NEGR1: variants seen among roughly 807,000 people sequenced by gnomAD.
The protein encoded by NEGR1 is neuronal growth regulator 1.
A neutral mutation model predicts 40.9 loss-of-function variants in NEGR1; 10 were observed. The observed-to-expected ratio is 0.24, with a 90% CI of 0.15 to 0.42. The LOEUF is 0.42. Among genes scored for constraint, NEGR1 ranks in the 10% least tolerant of loss-of-function variants. NEGR1 has a pLI of 1.00. For synonymous variants in NEGR1, 185 were observed against 166.8 expected (o/e 1.11, Z -0.84); for missense variants, 352 against 438.9 (o/e 0.80, Z 1.77).
chr1:71,611,865 G>T (rs1570104282), intron 4 of NEGR1, among the ~76,000 whole-genome samples: 2 of 151,992 alleles, frequency 1.3e-5, no homozygotes, highest in African/African-American at 4.8e-5. Flanking sequence ...GCTGGAAAAA[G>T]TTTCCCCGCC....
At chr1:71,501,901 A>G (rs1647001732) in intron 6 of NEGR1, among the ~76,000 whole-genome samples, 1 of 152,242 alleles carries the variant, frequency 6.6e-6, no homozygotes, top group Admixed American at 6.5e-5. Flanking sequence ...TTAAACATTG[A>G]TAAACATCTT....
chr1:71,723,992 A>G (rs1654593200), intron 3 of NEGR1, among the ~76,000 whole-genome samples: 1 of 152,126 alleles, frequency 6.6e-6, no homozygotes, highest in Non-Finnish European at 1.5e-5. Flanking sequence ...GGAAAAAAAA[A>G]GTCCTCTCAC....
At chr1:72,210,655 C>T (rs1048790243) in intron 1 of NEGR1, among the ~76,000 whole-genome samples, 2 of 151,728 alleles carry the variant, frequency 1.3e-5, no homozygotes, top group Non-Finnish European at 2.9e-5. Flanking sequence ...TTCTAGTTCT[C>T]ATAGTATTTT....
intron 2 of NEGR1, among the ~76,000 whole-genome samples, chr1:71,849,981 T>C (rs1252664687): frequency 6.6e-6 from 1 of 152,166 alleles, no homozygotes; most frequent in Non-Finnish European, 1.5e-5. Context: ...ATATTTACTT[T>C]ATTACAGTGG....
intron 3 of NEGR1, among the ~76,000 whole-genome samples, chr1:71,752,560 C>T (rs933661502): frequency 2.0e-5 from 3 of 152,052 alleles, no homozygotes; most frequent in African/African-American, 7.2e-5. Flanking sequence ...GCTATGTTTT[C>T]CTCTTTTGCA....
At position 71,821,290 on chromosome 1, in the gene NEGR1, G is replaced by C. The variant is rs150540452; in HGVS notation, c.410-44993C>G. ...ATGAGCAAGAGGTAGCTAACATTCTGAAGGCCTTGGAAGAACACATGCATT... is the reference window on the plus strand; with the variant it reads ...ATGAGCAAGAGGTAGCTAACATTCTCAAGGCCTTGGAAGAACACATGCATT... On this transcript the variant is annotated intron_variant, in intron 2 of 6. Transcript: ENST00000357731. Among the ~76,000 whole-genome samples the C allele has an allele frequency of 3.8e-3, 581 of 152,040 alleles. 2 individuals carry two copies. Among genetic ancestry groups the C allele is most frequent in the African/African-American group, 0.013 (529 of 41,524 alleles).
intron 4 of NEGR1, among the ~76,000 whole-genome samples, chr1:71,664,073 A>G (rs1652158495): frequency 6.6e-6 from 1 of 152,216 alleles, no homozygotes. Context: ...TTCTCTCTCA[A>G]GTATAGCTGA....
intron 3 of NEGR1, among the ~76,000 whole-genome samples, chr1:71,709,223 G>T (rs1654000931): frequency 6.6e-6 from 1 of 152,138 alleles, no homozygotes; most frequent in Non-Finnish European, 1.5e-5. Context: ...GAGAACAAGA[G>T]CCTCTTTCTG....
intron 3 of NEGR1, among the ~76,000 whole-genome samples, chr1:71,736,340 T>A (rs999145766): frequency 3.3e-5 from 5 of 152,196 alleles, no homozygotes; most frequent in African/African-American, 1.2e-4. Flanking sequence ...TCACAAGAAC[T>A]ATTTTTTTCC....
intron 3 of NEGR1, among the ~76,000 whole-genome samples, chr1:71,734,740 G>A (rs1654993504): frequency 6.6e-6 from 1 of 151,914 alleles, no homozygotes; most frequent in Non-Finnish European, 1.5e-5. Context: ...TACCACTAGT[G>A]TACCACTGAA....
In NEGR1 at chr1:71,921,280, A is replaced by G. The variant is rs539534515; in HGVS notation, c.409+13799T>C. ...AAACACTTGCCTTTTGCGAATATTT[A>G]CAACTCAAAACCACTGGAAATTTTA... On this transcript the variant is annotated intron_variant, in intron 2 of 6. Coordinates refer to ENST00000357731, the MANE Select transcript of NEGR1 (RefSeq NM_173808.3). Among the ~76,000 whole-genome samples, 8 of 152,324 alleles carry G rather than the reference A, an allele frequency of 5.3e-5. 1 individual carries two copies. In the South Asian group the frequency reaches 1.4e-3, roughly 28 times the overall value.
chr1:71,834,290 T>C (rs1189445620), intron 2 of NEGR1, among the ~76,000 whole-genome samples: 1 of 152,100 alleles, frequency 6.6e-6, no homozygotes, highest in Non-Finnish European at 1.5e-5. Context: ...AATTAAATAT[T>C]ATCCTGGATG....
chr1:71,441,525 G>A (rs1646547063), intron 6 of NEGR1, among the ~76,000 whole-genome samples: 1 of 152,172 alleles, frequency 6.6e-6, no homozygotes, highest in Admixed American at 6.5e-5. Flanking sequence ...GAGGCTGGAT[G>A]ATGAGTGATT....
chr1:71,752,142 A>G (rs1655590197), intron 3 of NEGR1, among the ~76,000 whole-genome samples: 1 of 152,216 alleles, frequency 6.6e-6, no homozygotes, highest in South Asian at 2.1e-4. Context: ...TCAGTGTAAT[A>G]CTGAGAAGGA....
At chr1:71,563,419 C>A (rs780515607) in intron 6 of NEGR1, among the ~76,000 whole-genome samples, 11 of 152,014 alleles carry the variant, frequency 7.2e-5, no homozygotes, top group Middle Eastern at 3.4e-3. Context: ...AGCATTTTTG[C>A]AGAATAATGT....
intron 1 of NEGR1, among the ~76,000 whole-genome samples, chr1:72,226,861 A>C (rs1201149468): frequency 6.6e-6 from 1 of 152,086 alleles, no homozygotes; most frequent in East Asian, 1.9e-4. Flanking sequence ...CTGCAACTTT[A>C]AAAATGGTAC....
chr1:71,761,356 A>G (rs1655934584), intron 3 of NEGR1, among the ~76,000 whole-genome samples: 1 of 152,174 alleles, frequency 6.6e-6, no homozygotes, highest in Admixed American at 6.5e-5. Flanking sequence ...ACAGCAGGAC[A>G]CTTTGGCCCA....
intron 2 of NEGR1, among the ~76,000 whole-genome samples, chr1:71,924,315 T>C (rs1418019391): frequency 3.3e-5 from 5 of 152,218 alleles, no homozygotes; most frequent in Non-Finnish European, 5.9e-5. Flanking sequence ...AGCAAAGTTA[T>C]TTGCACATAG....
intron 1 of NEGR1, among the ~76,000 whole-genome samples, chr1:72,030,790 T>A (rs1049932915): frequency 6.6e-6 from 1 of 152,182 alleles, no homozygotes; most frequent in Non-Finnish European, 1.5e-5. Flanking sequence ...TTGGAAAAGA[T>A]GACAGAAATA....
Sources: gnomAD v4.1 joint callset for allele counts (sites outside exome capture counted in the v4.1 genomes callset) on GRCh38, gnomAD v4.1.1 for gene constraint, MANE v1.5 for transcripts, NCBI Gene and HGNC (gene_info 2026-07-23, HGNC 2026-07-21) for gene names.